LRRC37B: variants seen among roughly 807,000 people sequenced by gnomAD.
LRRC37B encodes the protein leucine rich repeat containing 37B.
In LRRC37B, 28 loss-of-function variants were observed where a neutral mutation model predicts 98.3. That is an observed-to-expected ratio of 0.28 (90% CI 0.21 to 0.39). LRRC37B has a LOEUF of 0.39. Ranked by LOEUF, LRRC37B falls within the 10% of genes least tolerant of loss-of-function variation. The pLI is 1.00. For missense variants in LRRC37B, 938 were observed against 1,182.7 expected, an observed-to-expected ratio of 0.79 and a Z score of 3.03; for synonymous variants, 364 against 442.7, an observed-to-expected ratio of 0.82 and a Z score of 2.23.
chr17:32,034,921 G>A (rs373846335), exon 6 of LRRC37B: 18 of 1,610,348 alleles, frequency 1.1e-5, no homozygotes, highest in Middle Eastern at 1.6e-4. Context: ...ATTCTCAATC[G>A]CAATCCTCTG....
At chr17:32,027,192 AGAG>A (rs1380844238) in intron 2 of LRRC37B, among the ~76,000 whole-genome samples, 1 of 152,192 alleles carries the variant, frequency 6.6e-6, no homozygotes, top group African/African-American at 2.4e-5. Context: ...GTTTGGGAGA[AGAG>A]AGGAGGAAAT....
chr17:32,035,464 A>G, intron 6 of LRRC37B, 101 bp from the exon 10 acceptor site: 1 of 1,309,736 alleles, frequency 7.6e-7, no homozygotes, highest in Non-Finnish European at 1.1e-6. Context: ...TGTTTTATAG[A>G]GAAGCCAAAA....
intron 7 of LRRC37B, among the ~76,000 whole-genome samples, chr17:32,038,111 A>G (rs868515002): frequency 4.6e-5 from 7 of 151,912 alleles, no homozygotes; most frequent in South Asian, 2.1e-4. Context: ...TGGGCGACAC[A>G]GTGAGACTCC....
rs147310441 is a variant in LRRC37B, at chr17:32,022,528, T to G, written c.1463T>G (p.Ile488Ser). The G allele has an allele frequency of 6.8e-6, 11 of 1,613,638 alleles. No homozygotes were observed. The South Asian group carries it at 1.2e-4, about 18-fold the overall frequency. ...ATAACTCCAGAACCCACTACAGAGA[T>G]TGGACATTCCACAGCCCTGGAGAAG... is the stretch of plus-strand genomic sequence containing the variant. Residue 488 changes from isoleucine (I) to serine (S), a missense_variant, in exon 1 of 12, where the codon ATT (isoleucine) becomes AGT (serine). Ile to Ser is a moderately radical substitution (Grantham distance 142). Transcript: ENST00000327564.
In LRRC37B at chr17:32,039,789, C is replaced by T. The variant is rs150282317; in HGVS notation, c.2204+4150C>T. 3.2e-3 allele frequency among the ~76,000 whole-genome samples: 477 copies of T among 151,288 alleles called. 4 individuals carry two copies. The highest frequency in any genetic ancestry group is 0.011 in the African/African-American group (437 of 41,186). On this transcript the variant is annotated intron_variant, in intron 7 of 11. Transcript: ENST00000327564. ...GGGCCCTTCATTTGGCACTCTGCTC[C>T]GTTCATTTTTGTCAGGTCACTTTCT...
chr17:32,046,093 T>C (rs1276378848), intron 8 of LRRC37B, among the ~76,000 whole-genome samples: 4 of 152,246 alleles, frequency 2.6e-5, no homozygotes, highest in Non-Finnish European at 5.9e-5. Context: ...CCACACACTG[T>C]GTACTGTGCT....
At chr17:32,034,693 ATTTC>A in intron 5 of LRRC37B, among the ~76,000 whole-genome samples, 1 of 144,532 alleles carries the variant, frequency 6.9e-6, no homozygotes, top group East Asian at 2.0e-4. Context: ...TTTTTTTTCT[ATTTC>A]TTCCCTGCTT....
chr17:32,022,316 T>C (rs1376942846), exon 1 of LRRC37B: 2 of 1,613,814 alleles, frequency 1.2e-6, no homozygotes, highest in Non-Finnish European at 1.7e-6. Flanking sequence ...CAGATCCTCC[T>C]CCAGAACACC....
chr17:32,028,920 TA>T (rs2142246956), intron 3 of LRRC37B: 1 of 151,432 alleles, frequency 6.6e-6, no homozygotes, highest in African/African-American at 2.4e-5. Flanking sequence ...GGCCATGAAG[TA>T]ATAAAACTAC....
chr17:32,016,442 TA>T (rs1910650062), upstream of LRRC37B, among the ~76,000 whole-genome samples: 2 of 152,216 alleles, frequency 1.3e-5, no homozygotes, highest in African/African-American at 2.4e-5. Flanking sequence ...TGTCCGTGGT[TA>T]AGCTTTGGCT....
chr17:32,043,433 C>T (rs1033197767), intron 7 of LRRC37B, among the ~76,000 whole-genome samples: 5 of 152,028 alleles, frequency 3.3e-5, no homozygotes, highest in African/African-American at 9.7e-5. Flanking sequence ...TGGTGGCACG[C>T]ACCTGTAGTT....
intron 11 of LRRC37B, chr17:32,052,909 C>T (rs907848839): frequency 2.1e-4 from 38 of 180,288 alleles, no homozygotes; most frequent in Non-Finnish European, 3.5e-4. Context: ...TGTGACACTG[C>T]TCTCCAGCCT....
At chr17:32,050,298 G>A (rs1241380143) in intron 11 of LRRC37B, 191 bp downstream of exon 14, 4 of 494,198 alleles carry the variant, frequency 8.1e-6, no homozygotes, top group Non-Finnish European at 1.5e-5. Flanking sequence ...GCTTCCAGGA[G>A]GTCTCTGTGA....
upstream of LRRC37B, among the ~76,000 whole-genome samples, chr17:32,016,203 G>A (rs1458328335): frequency 6.6e-6 from 1 of 152,096 alleles, no homozygotes; most frequent in Non-Finnish European, 1.5e-5. Context: ...GTAACTGCCA[G>A]GTCATTCTAA....
At chr17:32,045,803 A>G in exon 8 of LRRC37B, 1 of 1,600,096 alleles carries the variant, frequency 6.2e-7, no homozygotes, top group Non-Finnish European at 8.5e-7. Flanking sequence ...ATGTCTGACT[A>G]ACAGCATACA....
intron 11 of LRRC37B, chr17:32,050,570 A>G (rs571747082): frequency 6.0e-6 from 1 of 165,600 alleles, no homozygotes; most frequent in African/African-American, 2.4e-5. Context: ...TTCACATAGT[A>G]TCATCCTTCT....
At chr17:32,008,626 A>T (rs1910463808) in intron 1 of LRRC37B, among the ~76,000 whole-genome samples, 1 of 152,224 alleles carries the variant, frequency 6.6e-6, no homozygotes. Context: ...GCACACAGAC[A>T]CACAGAAAAA....
intron 11 of LRRC37B, chr17:32,052,685 A>C (rs1050072482): frequency 6.6e-6 from 1 of 152,320 alleles, no homozygotes; most frequent in Non-Finnish European, 1.5e-5. Context: ...GTGATGACCT[A>C]AAGTACATGG....
chr17:32,026,927 A>G (rs1171424504), intron 2 of LRRC37B, among the ~76,000 whole-genome samples: 1 of 152,220 alleles, frequency 6.6e-6, no homozygotes, highest in Non-Finnish European at 1.5e-5. Flanking sequence ...GAGGTGGCTC[A>G]TGTCTGCAAT....
Sources: gnomAD v4.1 joint callset for allele counts (sites outside exome capture counted in the v4.1 genomes callset) on GRCh38, gnomAD v4.1.1 for gene constraint, MANE v1.5 for transcripts, NCBI Gene and HGNC (gene_info 2026-07-23, HGNC 2026-07-21) for gene names.